Variants in CSMD1 observed in about 807,000 individuals in gnomAD.
CSMD1 encodes CUB and sushi domain-containing protein 1.
A neutral mutation model predicts 417.5 loss-of-function variants in CSMD1; 213 were observed. The observed-to-expected ratio is 0.51, with a 90% CI of 0.46 to 0.57. The LOEUF (loss-of-function observed/expected upper bound fraction) is 0.57, where lower values mean the gene tolerates loss of function less well. CSMD1 is among the 20% of genes least tolerant of loss of function. The pLI, the probability that CSMD1 is intolerant of heterozygous loss-of-function variation, is 0.00. For synonymous variants in CSMD1, 2,862 were observed against 1,736.8 expected, an observed-to-expected ratio of 1.65 and a Z score of -16.11; for missense variants, 6,923 against 4,529.7, an observed-to-expected ratio of 1.53 and a Z score of -15.17.
chr8:3,142,756 A>G (rs955284680), intron 40 of CSMD1, 82 bp from the exon 41 acceptor site: 3 of 1,147,808 alleles, frequency 2.6e-6, no homozygotes, highest in African/African-American at 3.0e-5. Flanking sequence ...CTGAAGTGTT[A>G]GCAGTCTCCC....
At chr8:3,430,723 C>T (rs1355858504) in intron 12 of CSMD1, among the ~76,000 whole-genome samples, 1 of 152,082 alleles carries the variant, frequency 6.6e-6, no homozygotes, top group Non-Finnish European at 1.5e-5. Context: ...AAGAGGATCA[C>T]CTGAACCCTG....
At chr8:3,177,608 T>C (rs1300793820) in intron 37 of CSMD1, among the ~76,000 whole-genome samples, 1 of 152,096 alleles carries the variant, frequency 6.6e-6, no homozygotes, top group Non-Finnish European at 1.5e-5. Flanking sequence ...GCAATAGAAA[T>C]ACTTAATTAC....
At chr8:4,577,421 C>T (rs1388006562) in intron 2 of CSMD1, among the ~76,000 whole-genome samples, 1 of 152,122 alleles carries the variant, frequency 6.6e-6, no homozygotes, top group East Asian at 1.9e-4. Context: ...TGTTCTTGGA[C>T]ACTCTGCTCT....
Position 3,772,446 on chromosome 8 carries a change from TAC to T in CSMD1, c.819-18406_819-18405del, listed in dbSNP as rs1563064327. ...ACACATATATACATACATTTATATA[TAC>T]ACATATATATACATATATACACATA... On this transcript the variant is annotated intron_variant, in intron 5 of 69. Transcript: ENST00000635120. Among the ~76,000 whole-genome samples the T allele has an allele frequency of 8.3e-4, 80 of 96,066 alleles. 18 individuals are homozygous for T. The highest frequency in any genetic ancestry group is 3.4e-3 in the African/African-American group (74 of 21,968). The allele number at this position is 96,066 out of a possible 152,430, so 63.0% of individuals were successfully genotyped here. A position where few individuals can be genotyped will look rare whatever the true frequency, so the allele number is the denominator to read the frequency against.
At chr8:3,605,791 T>A (rs1243368857) in intron 8 of CSMD1, among the ~76,000 whole-genome samples, 1 of 152,220 alleles carries the variant, frequency 6.6e-6, no homozygotes, top group Non-Finnish European at 1.5e-5. Context: ...TAGCACTCTT[T>A]CAACCCCCAA....
chr8:3,949,455 G>C (rs11785867), intron 5 of CSMD1, among the ~76,000 whole-genome samples: 43,061 of 151,990 alleles, frequency 0.28, 7,689 homozygotes, highest in African/African-American at 0.5. Context: ...TAAGGAAAAG[G>C]ATACATTTTA....
Position 3,059,252 on chromosome 8 carries a change from CAAA to C in CSMD1, c.7475-6608_7475-6606del, listed in dbSNP as rs34479938. Among the ~76,000 whole-genome samples the C allele has an allele frequency of 6.8e-3, 948 of 140,052 alleles. 9 individuals carry two copies. The highest frequency in any genetic ancestry group is 0.019 in the African/African-American group (708 of 37,652). The allele number at this position is 140,052 out of a possible 152,430, so 91.9% of individuals were successfully genotyped here. A position where few individuals can be genotyped will look rare whatever the true frequency, so the allele number is the denominator to read the frequency against. On this transcript the variant is annotated intron_variant, in intron 49 of 69. Coordinates refer to ENST00000635120, the MANE Select transcript of CSMD1 (RefSeq NM_033225.6). Reference sequence around the variant, plus strand: ...CATAAGAAGCAGGCACCCCAGACATCAAAAAAAAAAAAAAAGTGCCCTTAAAAA... The same window carrying C: ...CATAAGAAGCAGGCACCCCAGACATCAAAAAAAAAAAAGTGCCCTTAAAAA...
At chr8:3,717,036 G>T (rs955916812) in intron 6 of CSMD1, among the ~76,000 whole-genome samples, 4 of 152,142 alleles carry the variant, frequency 2.6e-5, no homozygotes, top group African/African-American at 9.7e-5. Context: ...GCTTGAAATG[G>T]TAGAAGCAGG....
At chr8:3,831,482 C>A (rs532457405) in intron 5 of CSMD1, among the ~76,000 whole-genome samples, 33 of 152,258 alleles carry the variant, frequency 2.2e-4, no homozygotes, top group African/African-American at 7.9e-4. Context: ...TATTGAGGTA[C>A]TGAAGCCCAC....
chr8:4,454,840 T>C (rs1001943438), intron 2 of CSMD1, among the ~76,000 whole-genome samples: 1 of 152,104 alleles, frequency 6.6e-6, no homozygotes, highest in African/African-American at 2.4e-5. Flanking sequence ...CAAAGGTTTT[T>C]TTCCACAGTT....
intron 1 of CSMD1, among the ~76,000 whole-genome samples, chr8:4,802,346 TGCGC>T (rs765121324): frequency 3.6e-5 from 5 of 137,472 alleles, no homozygotes; most frequent in African/African-American, 1.0e-4. Flanking sequence ...AATGAGTGTG[TGCGC>T]GCGTGTGTGT....
chr8:4,982,477 C>T (rs1004319349), intron 1 of CSMD1, among the ~76,000 whole-genome samples: 1 of 152,088 alleles, frequency 6.6e-6, no homozygotes, highest in Non-Finnish European at 1.5e-5. Context: ...AGACAAAGAA[C>T]GGGTATTGTC....
intron 8 of CSMD1, among the ~76,000 whole-genome samples, chr8:3,611,451 T>A (rs192227012): frequency 6.6e-6 from 1 of 152,136 alleles, no homozygotes; most frequent in Non-Finnish European, 1.5e-5. Context: ...TAAAGAACGA[T>A]AGACCAACTA....
chr8:3,766,054 G>C (rs1381682091), intron 5 of CSMD1, among the ~76,000 whole-genome samples: 1 of 152,212 alleles, frequency 6.6e-6, no homozygotes, highest in Non-Finnish European at 1.5e-5. Flanking sequence ...CTACGTGCCA[G>C]GGAATTGCTC....
At chr8:3,797,052 AG>A (rs1800192316) in intron 5 of CSMD1, among the ~76,000 whole-genome samples, 1 of 151,934 alleles carries the variant, frequency 6.6e-6, no homozygotes, top group South Asian at 2.1e-4. Flanking sequence ...CATACGTGGT[AG>A]GGCAATGTAT....
intron 6 of CSMD1, among the ~76,000 whole-genome samples, chr8:3,709,709 T>TTTTTTTTTTTTTTTTTTTTTTTTTTG (rs1554518391): frequency 7.7e-6 from 1 of 129,510 alleles, no homozygotes; most frequent in Non-Finnish European, 1.6e-5. Context: ...TTTTTTTTTT[T>TTTTTTTTTTTTTTTTTTTTTTTTTTG]CCCTGCTTTC....
chr8:4,884,496 G>A (rs886350595), intron 1 of CSMD1, among the ~76,000 whole-genome samples: 3 of 151,872 alleles, frequency 2.0e-5, no homozygotes, highest in African/African-American at 4.8e-5. Flanking sequence ...TTCTTTGTAA[G>A]GATTTTATAA....
At chr8:4,362,209 G>A (rs568216785) in intron 3 of CSMD1, among the ~76,000 whole-genome samples, 2 of 152,140 alleles carry the variant, frequency 1.3e-5, no homozygotes, top group African/African-American at 4.8e-5. Flanking sequence ...ATTTTCCAAA[G>A]GATCCTGGGA....
chr8:4,728,044 T>C (rs1273269410), intron 1 of CSMD1, among the ~76,000 whole-genome samples: 3 of 146,704 alleles, frequency 2.0e-5, no homozygotes, highest in East Asian at 2.0e-4. Flanking sequence ...TTTTGGTTTA[T>C]TGTTATATAT....
Sources: allele counts gnomAD v4.1 joint callset (sites outside exome capture counted in the v4.1 genomes callset), GRCh38; gene constraint gnomAD v4.1.1; transcripts MANE v1.5; gene names NCBI Gene and HGNC (gene_info 2026-07-23, HGNC 2026-07-21).